Variants in ITGB2 observed in about 807,000 individuals in gnomAD.
ITGB2 encodes the protein integrin subunit beta 2.
A neutral mutation model predicts 86.8 loss-of-function variants in ITGB2; 56 were observed. The observed-to-expected ratio is 0.65, with a 90% CI of 0.52 to 0.81. ITGB2 has a LOEUF of 0.81. Ranked by LOEUF, ITGB2 falls within the 30% of genes least tolerant of loss-of-function variation. The probability of loss-of-function intolerance (pLI) is 0.00; values close to 1 mark genes in which losing one functional copy is unlikely to be tolerated. For missense variants in ITGB2, 948 were observed against 1,061.2 expected (o/e 0.89, Z 1.48); for synonymous variants, 457 against 450.4 (o/e 1.01, Z -0.19).
chr21:44,919,366 G>A (rs1193049777), intron 1 of ITGB2, among the ~76,000 whole-genome samples: 2 of 152,236 alleles, frequency 1.3e-5, no homozygotes, highest in East Asian at 1.9e-4. Context: ...GGCTGGCAGG[G>A]ACCCTGGGGA....
intron 8 of ITGB2, among the ~76,000 whole-genome samples, chr21:44,896,408 C>A (rs2146515126): frequency 6.6e-6 from 1 of 152,330 alleles, no homozygotes; most frequent in African/African-American, 2.4e-5. Context: ...AGGGGCGCAG[C>A]CAGCCTCCCC....
intron 11 of ITGB2, among the ~76,000 whole-genome samples, chr21:44,890,882 A>C (rs1332801931): frequency 6.6e-6 from 1 of 152,118 alleles, no homozygotes; most frequent in Non-Finnish European, 1.5e-5. Flanking sequence ...AGTCCCGTGA[A>C]GAGGCCGCCC....
At chr21:44,893,655 G>A (rs1260544065) in intron 9 of ITGB2, 111 bp from the exon 10 acceptor site, 2 of 1,405,548 alleles carry the variant, frequency 1.4e-6, no homozygotes, top group East Asian at 2.3e-5. Context: ...CAAGTCCCCA[G>A]TGTCAGCTAA....
intron 15 of ITGB2, 43 bp downstream of exon 15, chr21:44,886,693 G>A (rs1250497029): frequency 1.2e-5 from 20 of 1,611,610 alleles, no homozygotes; most frequent in Middle Eastern, 1.6e-4. Context: ...AGTGTGGGAC[G>A]CACGTGCCCC....
At position 44,903,541 on chromosome 21, in the gene ITGB2, G is replaced by C. The variant is rs9983887; in HGVS notation, c.329-6C>G. 4.3e-6 allele frequency: 7 copies of C among 1,613,896 alleles called. No homozygotes were observed. The highest frequency in any genetic ancestry group is 1.3e-5 in the African/African-American group (1 of 75,032). Reference sequence around the variant, plus strand: ...GTTGAACGCTGCTGCCTGGCCTGCCGGTGGGGACAGAACAAAAGGAGCCAC... The same window carrying C: ...GTTGAACGCTGCTGCCTGGCCTGCCCGTGGGGACAGAACAAAAGGAGCCAC... On this transcript the variant is annotated splice_region_variant and splice_polypyrimidine_tract_variant and intron_variant, in intron 4 of 15. Transcript: ENST00000652462.
chr21:44,892,583 C>T (rs550903220), intron 10 of ITGB2, among the ~76,000 whole-genome samples: 4 of 118,918 alleles, frequency 3.4e-5, no homozygotes, highest in South Asian at 2.7e-4. Context: ...CCAGCCTGGG[C>T]GACAGAGCGA....
intron 3 of ITGB2, among the ~76,000 whole-genome samples, chr21:44,908,510 T>C (rs772296633): frequency 1.3e-5 from 2 of 152,176 alleles, no homozygotes; most frequent in Non-Finnish European, 2.9e-5. Flanking sequence ...TGTCAGCTGA[T>C]GCATGTAACC....
intron 1 of ITGB2, among the ~76,000 whole-genome samples, chr21:44,915,187 C>A (rs897836359): frequency 1.3e-5 from 2 of 152,110 alleles, no homozygotes; most frequent in Non-Finnish European, 2.9e-5. Context: ...CCACGCCCAG[C>A]TAATTTTTTT....
upstream of ITGB2, among the ~76,000 whole-genome samples, chr21:44,924,911 C>T (rs891817842): frequency 6.6e-6 from 1 of 152,190 alleles, no homozygotes; most frequent in South Asian, 2.1e-4. Context: ...CCACACACCC[C>T]TAGAGCAGGA....
intron 6 of ITGB2, among the ~76,000 whole-genome samples, 199 bp from the exon 7 acceptor site, chr21:44,900,674 T>A (rs1375425914): frequency 1.3e-5 from 2 of 151,970 alleles, no homozygotes; most frequent in Admixed American, 1.3e-4. Context: ...AAACACCCCG[T>A]GCACATGTGA....
upstream of ITGB2, among the ~76,000 whole-genome samples, chr21:44,924,378 C>T (rs141259923): frequency 3.4e-3 from 520 of 152,148 alleles, 6 homozygotes; most frequent in African/African-American, 9.9e-3. Flanking sequence ...TGCAGTGAGC[C>T]GAGATTGTGC....
chr21:44,919,900 G>A (rs565877054), intron 1 of ITGB2, among the ~76,000 whole-genome samples: 1 of 152,200 alleles, frequency 6.6e-6, no homozygotes. Context: ...GGCCCCAAGA[G>A]TGCAGTGTTG....
At chr21:44,927,998 CT>C (rs1236479893) in intron 1 of ITGB2, 1 of 152,302 alleles carries the variant, frequency 6.6e-6, no homozygotes, top group Non-Finnish European at 1.5e-5. Flanking sequence ...CTCCATCCCC[CT>C]GTGGCCTGGG....
At chr21:44,920,420 G>GC (rs1458920705) in intron 1 of ITGB2, among the ~76,000 whole-genome samples, 4 of 152,168 alleles carry the variant, frequency 2.6e-5, no homozygotes, top group Non-Finnish European at 5.9e-5. Context: ...AGACAGGAGG[G>GC]CCTAACACAG....
chr21:44,899,946 G>A (rs1465003249), intron 7 of ITGB2, among the ~76,000 whole-genome samples: 6 of 152,246 alleles, frequency 3.9e-5, no homozygotes, highest in East Asian at 1.9e-4. Flanking sequence ...GGGAGGAGGC[G>A]GATGCTTGGG....
intron 1 of ITGB2, chr21:44,911,112 A>G: frequency 2.2e-6 from 1 of 463,524 alleles, no homozygotes; most frequent in Non-Finnish European, 4.0e-6. Context: ...GTGTACGTGC[A>G]TACAGATGTG....
intron 1 of ITGB2, among the ~76,000 whole-genome samples, chr21:44,916,071 C>T (rs1237041225): frequency 3.3e-5 from 5 of 152,078 alleles, no homozygotes; most frequent in Admixed American, 3.3e-4. Context: ...TATAGGTGCA[C>T]ACCACTAGGC....
rs760386808 is a variant in ITGB2, at chr21:44,886,871, G to T, written c.2112C>A (p.Ile704=). 1 of 1,613,352 alleles carries T rather than the reference G, an allele frequency of 6.2e-7. No homozygotes were observed. Among genetic ancestry groups the T allele is most frequent in the African/African-American group, 1.3e-5 (1 of 74,916 alleles). The change falls in exon 15 of 16, where the codon ATC becomes ATA. Residue 704 remains isoleucine, a synonymous_variant. Coordinates refer to ENST00000652462, the MANE Select transcript of ITGB2 (RefSeq NM_000211.5). ...ECVAGPNIAA[I]VGGTVAGIVL... is the part of the protein sequence containing the mutation. ...CGATGCCTGCCACGGTGCCCCCGAC[G>T]ATGGCGGCGATGTTGGGGCCTGCCA...
chr21:44,890,343 T>C, intron 11 of ITGB2, 121 bp from the exon 12 acceptor site: 1 of 1,296,888 alleles, frequency 7.7e-7, no homozygotes, highest in South Asian at 1.2e-5. Flanking sequence ...CATTTTGCTT[T>C]CCTCGAGGCC....
Sources: allele counts gnomAD v4.1 joint callset (sites outside exome capture counted in the v4.1 genomes callset), GRCh38; gene constraint gnomAD v4.1.1; transcripts MANE v1.5; gene names NCBI Gene and HGNC (gene_info 2026-07-23, HGNC 2026-07-21).